MSRA: variants seen among roughly 807,000 people sequenced by gnomAD.
MSRA encodes the protein methionine sulfoxide reductase A.
MSRA carries 54 observed loss-of-function variants against 31.3 expected under a neutral mutation model. The observed-to-expected ratio is 1.73, with a 90% CI of 1.39 to 2.17. The LOEUF (loss-of-function observed/expected upper bound fraction) is 2.17, where lower values mean the gene tolerates loss of function less well. Ranked by LOEUF, MSRA falls within the 30% of genes most tolerant of loss-of-function variation. MSRA has a pLI of 0.00. For missense variants in MSRA, 507 were observed against 300.9 expected, an observed-to-expected ratio of 1.69 and a Z score of -5.07; for synonymous variants, 169 against 116.5, an observed-to-expected ratio of 1.45 and a Z score of -2.90.
rs777358977 is a variant in MSRA, at chr8:10,116,428, G to A, written c.142+61770G>A. On this transcript the variant is annotated intron_variant, in intron 1 of 5. Coordinates refer to ENST00000317173, the MANE Select transcript of MSRA (RefSeq NM_012331.5). ...TCACATAGTGAGTAAAAAGTAATTC[G>A]TTTGATAAGCAATTCTTGAGCACCT... Among the ~76,000 whole-genome samples the A allele has an allele frequency of 4.6e-5, 7 of 152,130 alleles. No homozygotes were observed. In the East Asian group the frequency reaches 5.8e-4, roughly 13 times the overall value.
chr8:10,348,357 CTTTTTTTT>C (rs34083972), intron 5 of MSRA, among the ~76,000 whole-genome samples: 560 of 64,284 alleles, frequency 8.7e-3, no homozygotes, highest in African/African-American at 0.034. Context: ...AAATTATTGC[CTTTTTTTT>C]TTTTTTTTTT....
intron 5 of MSRA, 31 bp from the exon 6 acceptor site, chr8:10,428,117 G>A (rs753845433): frequency 2.3e-5 from 37 of 1,600,822 alleles, no homozygotes; most frequent in Non-Finnish European, 3.1e-5. Context: ...TCTAGCATGG[G>A]AGCTGATGGC....
Position 10,089,351 on chromosome 8 carries a change from T to A in MSRA, c.142+34693T>A, listed in dbSNP as rs560761440. Among the ~76,000 whole-genome samples, 61 of 152,386 alleles carry A rather than the reference T, an allele frequency of 4.0e-4. 2 individuals are homozygous for A. In the South Asian group the frequency reaches 0.012, roughly 30 times the overall value. The stretch of plus-strand genomic sequence containing the variant: ...ATTGCCTCCTTTTGTATTTCCCTTT[T>A]TGTGTTCATTTTCACCTCCTCTTTG... On this transcript the variant is annotated intron_variant, in intron 1 of 5. Transcript: ENST00000317173.
intron 3 of MSRA, among the ~76,000 whole-genome samples, chr8:10,261,320 G>C (rs1023449617): frequency 1.3e-5 from 2 of 151,576 alleles, no homozygotes; most frequent in Admixed American, 1.3e-4. Context: ...CACTATGCTA[G>C]GGACCGGATA....
chr8:10,413,657 A>T (rs917654363), intron 5 of MSRA, among the ~76,000 whole-genome samples: 6 of 53,194 alleles, frequency 1.1e-4, no homozygotes, highest in African/African-American at 4.0e-4. Context: ...AAGGAGAGAG[A>T]TATTAAAAAA....
chr8:10,361,122 G>C (rs1804821355), intron 5 of MSRA, among the ~76,000 whole-genome samples: 1 of 152,224 alleles, frequency 6.6e-6, no homozygotes, highest in Admixed American at 6.5e-5. Context: ...CCTGCCTTCA[G>C]CAGGGCCACC....
At chr8:10,228,209 CT>C (rs1182872385) in intron 2 of MSRA, among the ~76,000 whole-genome samples, 1 of 152,164 alleles carries the variant, frequency 6.6e-6, no homozygotes, top group Non-Finnish European at 1.5e-5. Context: ...GGACCTACAG[CT>C]ATCCAGCTGT....
intron 5 of MSRA, among the ~76,000 whole-genome samples, chr8:10,424,813 C>T (rs1397829032): frequency 6.6e-6 from 1 of 152,212 alleles, no homozygotes. Flanking sequence ...GCAGTGCACT[C>T]TTTGAAGATC....
chr8:10,096,629 A>G (rs1799173585), intron 1 of MSRA, among the ~76,000 whole-genome samples: 1 of 152,222 alleles, frequency 6.6e-6, no homozygotes, highest in African/African-American at 2.4e-5. Flanking sequence ...TGTTTTAAGT[A>G]GAAGGAAAAT....
At chr8:10,063,102 C>G (rs1173838852) in intron 1 of MSRA, among the ~76,000 whole-genome samples, 1 of 152,160 alleles carries the variant, frequency 6.6e-6, no homozygotes, top group Non-Finnish European at 1.5e-5. Flanking sequence ...CCAAACTTAG[C>G]ATTTTGTTTC....
At chr8:10,205,050 C>T (rs935298842) in intron 1 of MSRA, among the ~76,000 whole-genome samples, 5 of 152,116 alleles carry the variant, frequency 3.3e-5, no homozygotes, top group African/African-American at 1.2e-4. Flanking sequence ...GTGTTCTGAC[C>T]ATGCAGGTGC....
chr8:10,416,282 G>A (rs1176209341), intron 5 of MSRA, among the ~76,000 whole-genome samples: 2 of 152,352 alleles, frequency 1.3e-5, no homozygotes, highest in African/African-American at 2.4e-5. Context: ...CATTCATGAA[G>A]TGAAGTTGGA....
chr8:10,240,904 C>T (rs576951088), intron 2 of MSRA, among the ~76,000 whole-genome samples: 8 of 152,160 alleles, frequency 5.3e-5, no homozygotes, highest in Non-Finnish European at 7.4e-5. Flanking sequence ...GCCACACAGC[C>T]GTAGGTGCGA....
chr8:10,211,567 C>T (rs1203739418), intron 2 of MSRA, among the ~76,000 whole-genome samples: 1 of 152,156 alleles, frequency 6.6e-6, no homozygotes. Context: ...TGTCTTTGTT[C>T]CTGGTAGCTG....
At chr8:10,218,436 C>T (rs909412825) in intron 2 of MSRA, among the ~76,000 whole-genome samples, 4 of 152,168 alleles carry the variant, frequency 2.6e-5, no homozygotes, top group Admixed American at 1.3e-4. Flanking sequence ...TGAGCCACTG[C>T]GCCCGGCCCT....
intron 3 of MSRA, among the ~76,000 whole-genome samples, chr8:10,280,881 A>C (rs1439196446): frequency 1.3e-5 from 2 of 152,254 alleles, no homozygotes; most frequent in Non-Finnish European, 2.9e-5. Context: ...AAAATGTGCT[A>C]CATGAAAGAA....
intron 2 of MSRA, among the ~76,000 whole-genome samples, chr8:10,216,927 G>A (rs1810047462): frequency 6.6e-6 from 1 of 152,198 alleles, no homozygotes; most frequent in African/African-American, 2.4e-5. Flanking sequence ...ACCCAGAGAT[G>A]GAATTGCTGG....
chr8:10,162,422 T>C (rs1239491912), intron 1 of MSRA, among the ~76,000 whole-genome samples: 6 of 152,082 alleles, frequency 3.9e-5, no homozygotes, highest in Non-Finnish European at 5.9e-5. Flanking sequence ...CCACGAAGGG[T>C]GTTTAACCTA....
intron 2 of MSRA, among the ~76,000 whole-genome samples, chr8:10,232,444 T>G (rs1189776252): frequency 2.0e-5 from 3 of 152,196 alleles, no homozygotes; most frequent in African/African-American, 7.2e-5. Context: ...CCAATTTATG[T>G]AGTGAACCCA....
Sources: allele counts gnomAD v4.1 joint callset (sites outside exome capture counted in the v4.1 genomes callset), GRCh38; gene constraint gnomAD v4.1.1; transcripts MANE v1.5; gene names NCBI Gene and HGNC (gene_info 2026-07-23, HGNC 2026-07-21).